Variants in LRRK2 observed in about 807,000 individuals in gnomAD.
The protein encoded by LRRK2 is leucine rich repeat kinase 2.
A neutral mutation model predicts 302.6 loss-of-function variants in LRRK2; 203 were observed. The observed-to-expected ratio is 0.67, with a 90% confidence interval of 0.60 to 0.75. The LOEUF (loss-of-function observed/expected upper bound fraction) is 0.75, where lower values mean the gene tolerates loss of function less well. Ranked by LOEUF, LRRK2 falls within the 30% of genes least tolerant of loss-of-function variation. The pLI is 0.00. For missense variants in LRRK2, 2,830 were observed against 2,951.0 expected (o/e 0.96, Z 0.95); for synonymous variants, 1,066 against 1,031.9 (o/e 1.03, Z -0.63).
chr12:40,364,892 C>T lies in LRRK2; in HGVS notation c.7232C>T (p.Ser2411Phe), dbSNP rs955857635. 9.3e-6 allele frequency: 15 copies of T among 1,612,194 alleles called. No homozygotes were observed. The Admixed American group carries it at 1.0e-4, about 11-fold the overall frequency. ...GAATCAAAACACAAAATGTCTTATTCTGGGAGAGTGAAAACCCTCTGCCTT... is the reference window on the plus strand; with the variant it reads ...GAATCAAAACACAAAATGTCTTATTTTGGGAGAGTGAAAACCCTCTGCCTT... ...NKESKHKMSY[S>F]GRVKTLCLQK... Residue 2411 changes from serine to phenylalanine, a missense_variant, in exon 49 of 51, where the codon TCT becomes TTT. Transcript: ENST00000298910.
intron 35 of LRRK2, among the ~76,000 whole-genome samples, chr12:40,321,696 T>C (rs977693341): frequency 6.6e-6 from 1 of 152,112 alleles, no homozygotes; most frequent in African/African-American, 2.4e-5. Flanking sequence ...TACATTGCAT[T>C]AAAAAGTTCA....
intron 19 of LRRK2, among the ~76,000 whole-genome samples, chr12:40,287,012 T>G (rs7955967): frequency 6.6e-6 from 1 of 151,988 alleles, no homozygotes; most frequent in Non-Finnish European, 1.5e-5. Context: ...AGGACACTGA[T>G]ACCCAGGGAG....
intron 25 of LRRK2, chr12:40,301,159 G>A (rs1944610591): frequency 7.2e-5 from 33 of 455,518 alleles, no homozygotes; most frequent in Non-Finnish European, 1.4e-4. Context: ...AGTTTGAGAA[G>A]TGGTCTTACA....
Position 40,369,279 on chromosome 12 carries a change from C to T in LRRK2, c.*1514C>T, listed in dbSNP as rs1483261131. ...TGGAATAATAAAGGTTTTTTAAAAA[C>T]TTTAAATGCTTTTAAGCATGTTTAT... On this transcript the variant is annotated 3_prime_UTR_variant, in exon 51 of 51. Transcript: ENST00000298910. The T allele has an allele frequency of 6.6e-6, 1 of 151,452 alleles. No individual in the cohort carries two copies. The highest frequency in any genetic ancestry group is 2.4e-5 in the African/African-American group (1 of 41,282). 9.4% of individuals were successfully genotyped at this position (151,452 alleles called of 1,614,324 possible).
intron 47 of LRRK2, 44 bp downstream of exon 47, chr12:40,359,488 T>G: frequency 6.4e-7 from 1 of 1,560,780 alleles, no homozygotes; most frequent in Non-Finnish European, 8.8e-7. Flanking sequence ...CATTATACTT[T>G]TGTTTTTTCC....
intron 12 of LRRK2, among the ~76,000 whole-genome samples, chr12:40,258,177 G>A (rs1464647750): frequency 6.6e-6 from 1 of 152,118 alleles, no homozygotes; most frequent in Non-Finnish European, 1.5e-5. Flanking sequence ...TTAGGATAAT[G>A]CCTGCTGCAT....
At chr12:40,253,457 C>G (rs990517746) in intron 11 of LRRK2, among the ~76,000 whole-genome samples, 2 of 152,146 alleles carry the variant, frequency 1.3e-5, no homozygotes, top group African/African-American at 4.8e-5. Flanking sequence ...ATGATCATGG[C>G]TCACTACAAC....
intron 16 of LRRK2, among the ~76,000 whole-genome samples, chr12:40,276,329 T>A (rs1011755375): frequency 2.0e-5 from 3 of 152,158 alleles, no homozygotes; most frequent in Non-Finnish European, 4.4e-5. Context: ...AGAGTCTCAC[T>A]CTGTTGCCCA....
At chr12:40,335,352 T>C (rs1025758066) in intron 40 of LRRK2, among the ~76,000 whole-genome samples, 195 bp downstream of exon 40, 13 of 152,320 alleles carry the variant, frequency 8.5e-5, no homozygotes, top group Non-Finnish European at 1.5e-4. Flanking sequence ...CAGAACCTCA[T>C]AGCAAGTAGT....
In LRRK2 at chr12:40,225,570, A is replaced by G. The variant is rs1940830943; in HGVS notation, c.167A>G (p.Gln56Arg). ...TYSERASKLFQGKNIHVPLLI... is the reference protein window; with the variant it reads ...TYSERASKLFRGKNIHVPLLI... The stretch of plus-strand genomic sequence containing the variant: ...TGTTTTCCAGCCTCCAAGTTATTTC[A>G]AGGCAAAAATATCCATGTGCCTCTG... The change falls in exon 2 of 51, where the codon CAA (glutamine) becomes CGA (arginine). Residue 56 changes from glutamine to arginine, a missense_variant. Physicochemically the swap from Gln to Arg is conservative, Grantham distance 43 (BLOSUM62 1). Transcript: ENST00000298910. 1 of 1,613,886 alleles carries G rather than the reference A, an allele frequency of 6.2e-7. No homozygotes were observed.
chr12:40,277,332 A>T (rs568798467), intron 16 of LRRK2, among the ~76,000 whole-genome samples: 3 of 152,158 alleles, frequency 2.0e-5, no homozygotes, highest in African/African-American at 7.2e-5. Context: ...TTATTATTAG[A>T]ATGTAATCCT....
chr12:40,257,243 C>A lies in LRRK2; in HGVS notation c.1289-5C>A, dbSNP rs1281838027. 3 of 1,539,298 alleles carry A rather than the reference C, an allele frequency of 1.9e-6. No homozygotes were observed. Among genetic ancestry groups the A allele is most frequent in the South Asian group, 1.1e-5 (1 of 89,296 alleles). On this transcript the variant is annotated splice_region_variant and splice_polypyrimidine_tract_variant and intron_variant, in intron 11 of 50. Coordinates refer to ENST00000298910, the MANE Select transcript of LRRK2 (RefSeq NM_198578.4). ...ATCTATAAGTAACATTTTAAAAAAT[C>A]TCAGTTAATTTCAGAAAAATACTGT...
chr12:40,350,857 A>G (rs949893375), intron 43 of LRRK2, among the ~76,000 whole-genome samples: 1 of 152,168 alleles, frequency 6.6e-6, no homozygotes, highest in Admixed American at 6.5e-5. Context: ...CTTAACAAAT[A>G]TGTATATATA....
At chr12:40,307,512 A>G (rs369813051) in intron 28 of LRRK2, among the ~76,000 whole-genome samples, 1 of 152,088 alleles carries the variant, frequency 6.6e-6, no homozygotes, top group African/African-American at 2.4e-5. Context: ...ACATCTGCTG[A>G]TAGTATAATA....
At chr12:40,366,765 T>C in intron 49 of LRRK2, 1 of 436,312 alleles carries the variant, frequency 2.3e-6, no homozygotes, top group South Asian at 2.2e-5. Context: ...ATAGAAAGGT[T>C]AAGCTGTTTT....
intron 14 of LRRK2, among the ~76,000 whole-genome samples, chr12:40,265,560 C>G (rs1413378661): frequency 6.6e-6 from 1 of 152,100 alleles, no homozygotes; most frequent in Non-Finnish European, 1.5e-5. Flanking sequence ...TACTAGTAAG[C>G]ATATTCTAGG....
In LRRK2 at chr12:40,229,955, C is replaced by CTTTTTTTTTTTTTTTTTTTTTTTTTTTTT. The variant is rs71078229; in HGVS notation, c.238-2291_238-2290insTTTTTTTTTTTTTTTTTTTTTTTTTTTTT. Among the ~76,000 whole-genome samples the CTTTTTTTTTTTTTTTTTTTTTTTTTTTTT allele has an allele frequency of 7.5e-5, 7 of 92,926 alleles. 3 individuals are homozygous for CTTTTTTTTTTTTTTTTTTTTTTTTTTTTT. The allele number at this position is 92,926 out of a possible 152,430, so 61.0% of individuals were successfully genotyped here. On this transcript the variant is annotated intron_variant, in intron 2 of 50. Transcript: ENST00000298910. ...GAGATGAGTTTGGCATCCTATGTGA[C>CTTTTTTTTTTTTTTTTTTTTTTTTTTTTT]TTTTTTTTTTTTTTTTTTTTTTTTT...
chr12:40,246,551 T>A (rs1193135173), intron 7 of LRRK2, among the ~76,000 whole-genome samples: 1 of 152,052 alleles, frequency 6.6e-6, no homozygotes, highest in African/African-American at 2.4e-5. Flanking sequence ...TTCTGGGGAG[T>A]CTAAACCAAC....
chr12:40,326,126 A>G (rs1261538940), intron 38 of LRRK2, among the ~76,000 whole-genome samples: 1 of 152,170 alleles, frequency 6.6e-6, no homozygotes, highest in Non-Finnish European at 1.5e-5. Context: ...TCCATACTCC[A>G]TATTAATGCA....
Sources: allele counts gnomAD v4.1 joint callset (sites outside exome capture counted in the v4.1 genomes callset), GRCh38; gene constraint gnomAD v4.1.1; transcripts MANE v1.5; gene names NCBI Gene and HGNC (gene_info 2026-07-23, HGNC 2026-07-21).